C14orf39: variants seen among roughly 807,000 people sequenced by gnomAD.
The protein encoded by C14orf39 is protein SIX6OS1.
In C14orf39, 66 loss-of-function variants were observed where a neutral mutation model predicts 85.6. The ratio of observed to expected loss-of-function variants is 0.77; its 90% CI spans 0.63 to 0.95. The LOEUF (loss-of-function observed/expected upper bound fraction) is 0.95, where lower values mean the gene tolerates loss of function less well. Ranked by LOEUF, C14orf39 falls within the 40% of genes least tolerant of loss-of-function variation. The pLI is 0.00. For synonymous variants in C14orf39, 242 were observed against 214.0 expected (o/e 1.13, Z -1.14); for missense variants, 735 against 663.9 (o/e 1.11, Z -1.18).
intron 1 of C14orf39, chr14:60,499,448 A>G (rs1387864088): frequency 6.6e-6 from 1 of 152,254 alleles, no homozygotes; most frequent in Non-Finnish European, 1.5e-5. Flanking sequence ...AAAAGAATAG[A>G]TCAATCAATA....
intron 15 of C14orf39, among the ~76,000 whole-genome samples, chr14:60,456,587 T>G (rs963832357): frequency 1.3e-5 from 2 of 151,556 alleles, no homozygotes; most frequent in African/African-American, 4.8e-5. Context: ...CTTTATCCTT[T>G]GGAAAAATCT....
At position 60,466,905 on chromosome 14, in the gene C14orf39, CAG is replaced by C; in HGVS notation, c.895+10_895+11del. Reference sequence around the variant, plus strand: ...AAAAATGATGTTTTTGAATAACAAACAGATATTATACCTGCAACTCTTGGTTC... The same window carrying C: ...AAAAATGATGTTTTTGAATAACAAACATATTATACCTGCAACTCTTGGTTC... On this transcript the variant is annotated intron_variant, in intron 10 of 17. Transcript: ENST00000321731. 6.8e-7 allele frequency: 1 copy of C among 1,460,248 alleles called. No homozygotes were observed. The highest frequency in any genetic ancestry group is 1.5e-5 in the African/African-American group (1 of 67,742). 90.5% of individuals were successfully genotyped at this position (1,460,248 alleles called of 1,614,324 possible).
rs1222717509 is a variant in C14orf39, at chr14:60,491,289, G to T, written c.-8-6203C>A. Among the ~76,000 whole-genome samples the T allele has an allele frequency of 1.3e-5, 2 of 152,182 alleles. No homozygotes were observed. Among genetic ancestry groups the T allele is most frequent in the Non-Finnish European group, 2.9e-5 (2 of 68,028 alleles). On this transcript the variant is annotated intron_variant, in intron 2 of 5. Coordinates refer to the C14orf39 transcript ENST00000556799. The surrounding 1 kb of genome is among the most constrained non-coding windows in gnomAD (Gnocchi z 4.5). ...GCTTCCAAAATGGTGTCTTGTTGCT[G>T]TCCTCCGGAGAGGACAAATGCTATG...
At position 60,491,204 on chromosome 14, in the gene C14orf39, G is replaced by A. The variant is rs1000542088; in HGVS notation, c.-8-6118C>T. 6.6e-6 allele frequency among the ~76,000 whole-genome samples: 1 copy of A among 152,094 alleles called. No homozygotes were observed. The highest frequency in any genetic ancestry group is 1.5e-5 in the Non-Finnish European group (1 of 68,018). On this transcript the variant is annotated intron_variant, in intron 2 of 5. Transcript: ENST00000556799. The surrounding 1 kb of genome is among the most constrained non-coding windows in gnomAD (Gnocchi z 4.5). ...AAATTTATTTCTCACAGTTTTTGAG[G>A]TCAGTAAGTCCAACACTGAGGCACT...
At position 60,456,964 on chromosome 14, in the gene C14orf39, A is replaced by G. The variant is rs764734906; in HGVS notation, c.1311T>C (p.Pro437=). ...GGAATTTTATTTTCTCCAATGACTC[A>G]GGTGCTTTCACAGCTTTGGGAGTTC... is the stretch of plus-strand genomic sequence containing the variant. ...FLGTPKAVKA[P]ESLEKIKFPK... The change falls in exon 15 of 18, where the codon CCT becomes CCC. Residue 437 remains proline (P), a synonymous_variant. Transcript: ENST00000321731. 22 of 1,604,784 alleles carry G rather than the reference A, an allele frequency of 1.4e-5. No homozygotes were observed. The Admixed American group carries it at 2.1e-4, about 15-fold the overall frequency.
chr14:60,464,069 A>G (rs1179729593), intron 11 of C14orf39, among the ~76,000 whole-genome samples: 2 of 152,134 alleles, frequency 1.3e-5, no homozygotes, highest in South Asian at 2.1e-4. Context: ...CAATGAAATG[A>G]TATCATAAAT....
Position 60,483,823 on chromosome 14 carries a change from A to G in C14orf39, c.107-6T>C. 1 of 1,476,576 alleles carries G rather than the reference A, an allele frequency of 6.8e-7. No homozygotes were observed. The highest frequency in any genetic ancestry group is 9.3e-7 in the Non-Finnish European group (1 of 1,075,262). 91.5% of individuals were successfully genotyped at this position (1,476,576 alleles called of 1,614,324 possible). A position where few individuals can be genotyped will look rare whatever the true frequency, so the allele number is the denominator to read the frequency against. On this transcript the variant is annotated splice_polypyrimidine_tract_variant and splice_region_variant and intron_variant, in intron 3 of 17. Coordinates refer to ENST00000321731, the MANE Select transcript of C14orf39 (RefSeq NM_174978.3). The stretch of plus-strand genomic sequence containing the variant: ...CTTAATATCTTCACAGCATTCTACA[A>G]AGAGAAAATGTTTATTTTCTTAATG...
intron 1 of C14orf39, among the ~76,000 whole-genome samples, chr14:60,501,232 G>A (rs1893142024): frequency 1.3e-5 from 2 of 151,146 alleles, no homozygotes; most frequent in Non-Finnish European, 2.9e-5. Flanking sequence ...GCTTGAGCCA[G>A]GAGTTCGAGG....
chr14:60,464,740 T>G (rs1891702789), intron 11 of C14orf39, among the ~76,000 whole-genome samples: 1 of 152,122 alleles, frequency 6.6e-6, no homozygotes, highest in African/African-American at 2.4e-5. Context: ...TTGTTTCCGC[T>G]CTTCTGCTTT....
intron 16 of C14orf39, among the ~76,000 whole-genome samples, chr14:60,442,714 A>G (rs545581227): frequency 2.6e-4 from 40 of 152,320 alleles, no homozygotes; most frequent in African/African-American, 8.4e-4. Flanking sequence ...AATACTGGAC[A>G]TGTAAGTTGT....
At position 60,511,163 on chromosome 14, in the gene C14orf39, G is replaced by T. The variant is rs759745079; in HGVS notation, c.-144+4232C>A. ...CGACGGCACGCCAGAGGTGCTGGGC[G>T]TCGCCACCAGCCCGGCCGCCAGTCT... On this transcript the variant is annotated intron_variant, in intron 1 of 5. Coordinates refer to the C14orf39 transcript ENST00000556799. 8.7e-6 allele frequency: 14 copies of T among 1,612,898 alleles called. No homozygotes were observed. Among genetic ancestry groups the T allele is most frequent in the Non-Finnish European group, 1.2e-5 (14 of 1,179,924 alleles).
At chr14:60,494,995 A>G in intron 2 of C14orf39, 1 of 163,540 alleles carries the variant, frequency 6.1e-6, no homozygotes, top group South Asian at 1.5e-4. Context: ...CAGCATGTTA[A>G]TATGTTGGTA....
intron 4 of C14orf39, among the ~76,000 whole-genome samples, chr14:60,479,144 G>A (rs1183644200): frequency 6.6e-6 from 1 of 151,844 alleles, no homozygotes; most frequent in African/African-American, 2.4e-5. Flanking sequence ...ATTGAATAAT[G>A]ACTATTATTG....
chr14:60,494,175 T>C (rs775719283), intron 2 of C14orf39: 7 of 292,146 alleles, frequency 2.4e-5, no homozygotes, highest in Non-Finnish European at 3.5e-5. Flanking sequence ...TGAGACTCTT[T>C]CCATTCATAT....
chr14:60,505,985 G>GGGCA (rs1357435824), intron 1 of C14orf39, among the ~76,000 whole-genome samples: 1 of 152,162 alleles, frequency 6.6e-6, no homozygotes, highest in African/African-American at 2.4e-5. Context: ...AATTCCCTGG[G>GGGCA]GGCACTTTGC....
At chr14:60,472,079 C>A (rs1892113594) in intron 5 of C14orf39, among the ~76,000 whole-genome samples, 2 of 152,006 alleles carry the variant, frequency 1.3e-5, no homozygotes, top group East Asian at 1.9e-4. Flanking sequence ...CACTGCAGAA[C>A]CTGGTTCTTC....
intron 16 of C14orf39, among the ~76,000 whole-genome samples, chr14:60,449,208 G>C (rs1412622665): frequency 6.6e-6 from 1 of 151,914 alleles, no homozygotes; most frequent in African/African-American, 2.4e-5. Flanking sequence ...TTTAGATTTT[G>C]TATGTAATCA....
At chr14:60,509,922 G>C in intron 1 of C14orf39, 2 of 1,611,192 alleles carry the variant, frequency 1.2e-6, no homozygotes, top group Non-Finnish European at 1.7e-6. Context: ...GTGGGCAACT[G>C]GTTCAAAAAC....
chr14:60,469,586 C>T lies in C14orf39; in HGVS notation c.622G>A (p.Glu208Lys), dbSNP rs772448276. The stretch of plus-strand genomic sequence containing the variant: ...ATTTCATCTACTTCTTTCTTCAATT[C>T]GGATGAACTTTTGGTAAGATTGCTG... ...HASNLTKSSS[E>K]LKKEVDEMEI... The change falls in exon 8 of 18, where the codon GAA becomes AAA. Residue 208 changes from glutamate (E) to lysine (K), a missense_variant. By Grantham distance (56) the Glu-to-Lys change is moderately conservative (BLOSUM62 1). Coordinates refer to ENST00000321731, the MANE Select transcript of C14orf39 (RefSeq NM_174978.3). 31 of 1,514,336 alleles carry T rather than the reference C, an allele frequency of 2.0e-5. No individual in the cohort carries two copies. In the East Asian group the frequency reaches 5.5e-4, roughly 27 times the overall value. The allele number at this position is 1,514,336 out of a possible 1,614,324, so 93.8% of individuals were successfully genotyped here.
Sources: allele counts gnomAD v4.1 joint callset (sites outside exome capture counted in the v4.1 genomes callset), GRCh38; gene constraint gnomAD v4.1.1; non-coding constraint Gnocchi (gnomAD v3.1); transcripts MANE v1.5; gene names NCBI Gene and HGNC (gene_info 2026-07-23, HGNC 2026-07-21).